The following MAST1 variants were observed in gnomAD, a reference collection of about 807,000 sequenced individuals.
MAST1 encodes microtubule-associated serine/threonine-protein kinase 1.
In MAST1, 40 loss-of-function variants were observed where a neutral mutation model predicts 124.6. The observed-to-expected ratio is 0.32, with a 90% CI of 0.25 to 0.42. MAST1 has a LOEUF of 0.42. Among genes scored for constraint, MAST1 ranks in the 10% least tolerant of loss-of-function variants. MAST1 has a pLI of 1.00. For missense variants in MAST1, 1,558 were observed against 2,181.9 expected, an observed-to-expected ratio of 0.71 and a Z score of 5.70; for synonymous variants, 938 against 939.4, an observed-to-expected ratio of 1.00 and a Z score of 0.03.
intron 10 of MAST1, among the ~76,000 whole-genome samples, chr19:12,854,923 A>T (rs2145898068): frequency 6.6e-6 from 1 of 152,186 alleles, no homozygotes; most frequent in East Asian, 1.9e-4. Flanking sequence ...TTTTCTCTGA[A>T]CTGCCTAGTA....
Position 12,867,773 on chromosome 19 carries a change from G to C in MAST1, c.2362G>C (p.Ala788Pro). ...CGAGGCCAGTTTCCTGGAGGGAGAGGCCAGTCCCCCTTTGGGCGCCCGCCG... is the reference window on the plus strand; with the variant it reads ...CGAGGCCAGTTTCCTGGAGGGAGAGCCCAGTCCCCCTTTGGGCGCCCGCCG... ...ASEASFLEGE[A>P]SPPLGARRRF... Residue 788 changes from alanine to proline, a missense_variant, in exon 20 of 26, where the codon GCC becomes CCC. Ala to Pro is a conservative substitution (Grantham distance 27). Transcript: ENST00000251472. 6.4e-7 allele frequency: 1 copy of C among 1,556,442 alleles called. No individual in the cohort carries two copies. Among genetic ancestry groups the C allele is most frequent in the South Asian group, 1.2e-5 (1 of 86,014 alleles).
At chr19:12,859,765 G>A (rs900610674) in intron 12 of MAST1, among the ~76,000 whole-genome samples, 4 of 150,910 alleles carry the variant, frequency 2.7e-5, no homozygotes, top group African/African-American at 9.8e-5. Context: ...CTGCACTCCA[G>A]GCTAGGCTGA....
chr19:12,873,683 C>A lies in MAST1; in HGVS notation c.3526C>A (p.Arg1176=), dbSNP rs1341238766. ...TGCGTCGTCGGCGTCGCACCACATT[C>A]GGCCCAGCACGCTGCACGGACTGTC... The part of the protein sequence containing the change: ...SPASSASHHI[R]PSTLHGLSPK... Residue 1176 remains arginine, a synonymous_variant, in exon 26 of 26, where the codon CGG becomes AGG. Transcript: ENST00000251472. 1.3e-6 allele frequency: 2 copies of A among 1,599,636 alleles called. No individual in the cohort carries two copies. The highest frequency in any genetic ancestry group is 1.3e-5 in the African/African-American group (1 of 74,858).
intron 4 of MAST1, among the ~76,000 whole-genome samples, chr19:12,844,334 A>T (rs966310768): frequency 6.6e-6 from 1 of 152,148 alleles, no homozygotes; most frequent in Non-Finnish European, 1.5e-5. Flanking sequence ...TCCCTTATCC[A>T]GCCATTGGCA....
In MAST1 at chr19:12,874,166, C is replaced by A; in HGVS notation, c.4009C>A (p.Pro1337Thr). ...CCGCCGCCTGGGCCGACAGGAGTCA[C>A]CTTTGAGCCTGGGCGCGGACCCGTT... ...AVRRLGRQES[P>T]LSLGADPLLP... Residue 1337 changes from proline to threonine, a missense_variant, in exon 26 of 26, where the codon CCT becomes ACT. Physicochemically the swap from Pro to Thr is conservative, Grantham distance 38 (BLOSUM62 -1). This residue lies in a region of MAST1 where 263 missense variants were observed against 310.9 expected (regional missense o/e 0.85). Transcript: ENST00000251472. This position sits in a 1 kb window ranked among gnomAD's most constrained non-coding sequence, Gnocchi z 6.6. 1 of 1,541,962 alleles carries A rather than the reference C, an allele frequency of 6.5e-7. No homozygotes were observed. The highest frequency in any genetic ancestry group is 8.7e-7 in the Non-Finnish European group (1 of 1,146,672).
intron 21 of MAST1, 24 bp from the exon 22 acceptor site, chr19:12,869,042 C>T: frequency 1.2e-6 from 2 of 1,609,044 alleles, no homozygotes; most frequent in Middle Eastern, 1.7e-4. Flanking sequence ...GTTCTGATTT[C>T]TGACCATGGT....
chr19:12,865,917 TG>T lies in MAST1; in HGVS notation c.1907-57del. 1.9e-6 allele frequency: 3 copies of T among 1,609,870 alleles called. No homozygotes were observed. Among genetic ancestry groups the T allele is most frequent in the East Asian group, 2.2e-5 (1 of 44,838 alleles). ...TGCTGTGGCCCCGGGGCGGAAGACA[TG>T]GGGGGCGGGGCTGGGCTGCTGGGTT... is the stretch of plus-strand genomic sequence containing the variant. On this transcript the variant is annotated intron_variant, in intron 16 of 25. Coordinates refer to ENST00000251472, the MANE Select transcript of MAST1 (RefSeq NM_014975.3). The surrounding 1 kb of genome is among the most constrained non-coding windows in gnomAD (Gnocchi z 7.1).
rs577971612 is a variant in MAST1, at chr19:12,868,721, T to G, written c.2645T>G (p.Leu882Trp). The change falls in exon 21 of 26, where the codon TTG becomes TGG. Residue 882 changes from leucine to tryptophan, a missense_variant. Coordinates refer to ENST00000251472, the MANE Select transcript of MAST1 (RefSeq NM_014975.3). ...TCAGGCCCAAGGGCTACCAATGACT[T>G]GGTTCTGCGCCGGGCGCGGCACCAG... ...DASGPRATND[L>W]VLRRARHQQM... The G allele has an allele frequency of 4.3e-6, 7 of 1,613,234 alleles. 1 individual carries two copies. The Admixed American group carries it at 1.2e-4, about 27-fold the overall frequency.
chr19:12,859,449 C>A (rs555588161), intron 12 of MAST1, among the ~76,000 whole-genome samples: 4 of 152,014 alleles, frequency 2.6e-5, no homozygotes, highest in African/African-American at 9.7e-5. Flanking sequence ...TGTAGTGGTG[C>A]GATCACAGCT....
At position 12,873,994 on chromosome 19, in the gene MAST1, G is replaced by A. The variant is rs372689579; in HGVS notation, c.3837G>A (p.Lys1279=). 10 of 1,603,994 alleles carry A rather than the reference G, an allele frequency of 6.2e-6. No individual in the cohort carries two copies. The African/African-American group carries it at 1.2e-4, about 19-fold the overall frequency. The part of the protein sequence containing the change: ...KLGASLSADK[K]GALRKHSLEV... Reference sequence around the variant, plus strand: ...GAGCCTCTTTGAGTGCGGACAAGAAGGGCGCGCTGCGCAAACACAGCCTCG... The same window carrying A: ...GAGCCTCTTTGAGTGCGGACAAGAAAGGCGCGCTGCGCAAACACAGCCTCG... Residue 1279 remains lysine (K), a synonymous_variant, in exon 26 of 26, where the codon AAG becomes AAA. Transcript: ENST00000251472.
In MAST1 at chr19:12,847,870, A is replaced by G; in HGVS notation, c.587A>G (p.Lys196Arg). The G allele has an allele frequency of 6.2e-7, 1 of 1,611,972 alleles. No individual in the cohort carries two copies. Among genetic ancestry groups the G allele is most frequent in the Non-Finnish European group, 8.5e-7 (1 of 1,179,208 alleles). ...FPKATAQMEEKLRDFTRAYEP... is the reference protein window; with the variant it reads ...FPKATAQMEERLRDFTRAYEP... Reference sequence around the variant, plus strand: ...CAGGCCACTGCGCAGATGGAGGAGAAGCTGCGCGACTTTACCCGCGCCTAC... The same window carrying G: ...CAGGCCACTGCGCAGATGGAGGAGAGGCTGCGCGACTTTACCCGCGCCTAC... The change falls in exon 7 of 26, where the codon AAG (lysine) becomes AGG (arginine). Residue 196 changes from lysine to arginine, a missense_variant. Lys to Arg is a conservative substitution (Grantham distance 26). This residue lies in a region of MAST1 where 165 missense variants were observed against 315.3 expected (regional missense o/e 0.52). Transcript: ENST00000251472. This position sits in a 1 kb window ranked among gnomAD's most constrained non-coding sequence, Gnocchi z 5.5.
chr19:12,841,070 A>G lies in MAST1; in HGVS notation c.248+4A>G. On this transcript the variant is annotated splice_donor_region_variant and intron_variant, in intron 3 of 25. Coordinates refer to ENST00000251472, the MANE Select transcript of MAST1 (RefSeq NM_014975.3). This position sits in a 1 kb window ranked among gnomAD's most constrained non-coding sequence, Gnocchi z 4.3. ...TCTCGTTTGCCTCCTCCCGAAGGTGAGTCCCTCCCCTCCAGGGCCCCAGAA... is the reference window on the plus strand; with the variant it reads ...TCTCGTTTGCCTCCTCCCGAAGGTGGGTCCCTCCCCTCCAGGGCCCCAGAA... 6.7e-7 allele frequency: 1 copy of G among 1,484,948 alleles called. No individual in the cohort carries two copies. Among genetic ancestry groups the G allele is most frequent in the Non-Finnish European group, 9.4e-7 (1 of 1,062,034 alleles). The allele number at this position is 1,484,948 out of a possible 1,614,324, so 92.0% of individuals were successfully genotyped here. A position where few individuals can be genotyped will look rare whatever the true frequency, so the allele number is the denominator to read the frequency against.
chr19:12,869,448 T>C (rs966157708), intron 22 of MAST1, among the ~76,000 whole-genome samples, 153 bp downstream of exon 22: 2 of 152,090 alleles, frequency 1.3e-5, no homozygotes, highest in African/African-American at 4.8e-5. Context: ...TTTACTTTTT[T>C]ATTTTAGGCG....
rs759443859 is a variant in MAST1, at chr19:12,866,728, G to C, written c.2105G>C (p.Arg702Pro). Residue 702 changes from arginine (R) to proline (P), a missense_variant, in exon 18 of 26, where the codon CGC (arginine) becomes CCC (proline). Physicochemically the swap from Arg to Pro is moderately radical, Grantham distance 103. Around this residue, in one of 10 missense-constraint regions of MAST1, gnomAD observed 287 missense variants for 308.0 expected, o/e 0.93. Transcript: ENST00000251472. The surrounding 1 kb of genome is among the most constrained non-coding windows in gnomAD (Gnocchi z 5.2). Reference sequence around the variant, plus strand: ...ACGGAGGAGGAGCCCGTGGAAATCCGCCAGTTCTCTTCCTGCTCTCCGCGC... The same window carrying C: ...ACGGAGGAGGAGCCCGTGGAAATCCCCCAGTTCTCTTCCTGCTCTCCGCGC... Reference protein sequence around the residue: ...DTTEEEPVEIRQFSSCSPRFS... With the variant: ...DTTEEEPVEIPQFSSCSPRFS... 5.0e-6 allele frequency: 8 copies of C among 1,613,818 alleles called. No homozygotes were observed. In the South Asian group the frequency reaches 8.8e-5, roughly 18 times the overall value.
intron 24 of MAST1, among the ~76,000 whole-genome samples, chr19:12,872,989 G>GCTT (rs1970256621): frequency 6.6e-6 from 1 of 152,080 alleles, no homozygotes; most frequent in Non-Finnish European, 1.5e-5. Context: ...GGGGCCTGAA[G>GCTT]TAGGAGGAGC....
Position 12,865,568 on chromosome 19 carries a change from C to T in MAST1, c.1804+87C>T. ...AGGGTTCCAGGGATTTCAAAAGCGACCCCCCAGAGGATCGCTTGCACTCAG... is the reference window on the plus strand; with the variant it reads ...AGGGTTCCAGGGATTTCAAAAGCGATCCCCCAGAGGATCGCTTGCACTCAG... On this transcript the variant is annotated intron_variant, in intron 15 of 25. Coordinates refer to ENST00000251472, the MANE Select transcript of MAST1 (RefSeq NM_014975.3). The surrounding 1 kb of genome is among the most constrained non-coding windows in gnomAD (Gnocchi z 7.1). 4 of 1,499,508 alleles carry T rather than the reference C, an allele frequency of 2.7e-6. No homozygotes were observed. In the South Asian group the frequency reaches 3.9e-5, roughly 15 times the overall value. 92.9% of individuals were successfully genotyped at this position (1,499,508 alleles called of 1,614,324 possible).
chr19:12,874,525 C>T lies in MAST1; in HGVS notation c.4368C>T (p.Asp1456=). The T allele has an allele frequency of 6.5e-7, 1 of 1,528,636 alleles. No individual in the cohort carries two copies. The highest frequency in any genetic ancestry group is 1.4e-5 in the African/African-American group (1 of 72,888). The allele number at this position is 1,528,636 out of a possible 1,614,324, so 94.7% of individuals were successfully genotyped here. A position where few individuals can be genotyped will look rare whatever the true frequency, so the allele number is the denominator to read the frequency against. The change falls in exon 26 of 26, where the codon GAC becomes GAT. Residue 1456 remains aspartate (D), a synonymous_variant. Coordinates refer to ENST00000251472, the MANE Select transcript of MAST1 (RefSeq NM_014975.3). The surrounding 1 kb of genome is among the most constrained non-coding windows in gnomAD (Gnocchi z 6.6). ...KAVVPQPLGA[D]SKGLQEPAPL... The stretch of plus-strand genomic sequence containing the variant: ...TGGTGCCTCAGCCTCTGGGCGCGGA[C>T]TCCAAGGGGTTGCAGGAACCCGCAC...
In MAST1 at chr19:12,843,559, G is replaced by A. The variant is rs62108431; in HGVS notation, c.279G>A (p.Ser93=). The A allele has an allele frequency of 2.8e-3, 4,501 of 1,613,322 alleles. 11 individuals carry two copies. The highest frequency in any genetic ancestry group is 3.3e-3 in the Non-Finnish European group (3,937 of 1,179,774). Residue 93 remains serine, a synonymous_variant, in exon 4 of 26, where the codon TCG becomes TCA. Coordinates refer to ENST00000251472, the MANE Select transcript of MAST1 (RefSeq NM_014975.3). The surrounding 1 kb of genome is among the most constrained non-coding windows in gnomAD (Gnocchi z 4.9). The part of the protein sequence containing the change: ...RADGRRWSLA[S]LPSSGYGTNT... ...ACGGACGCCGGTGGTCTCTGGCCTC[G>A]CTCCCTTCATCTGGCTATGGCACCA...
At position 12,865,971 on chromosome 19, in the gene MAST1, C is replaced by G. The variant is rs1444442839; in HGVS notation, c.1907-9C>G. 1 of 1,613,754 alleles carries G rather than the reference C, an allele frequency of 6.2e-7. No individual in the cohort carries two copies. The highest frequency in any genetic ancestry group is 8.5e-7 in the Non-Finnish European group (1 of 1,179,990). ...CCATCAGCTGTGGCTGGAATCCCTT[C>G]CGTCCCAGGCGGCGCTTTTGAGGTG... On this transcript the variant is annotated splice_polypyrimidine_tract_variant and intron_variant, in intron 16 of 25. Transcript: ENST00000251472. The surrounding 1 kb of genome is among the most constrained non-coding windows in gnomAD (Gnocchi z 7.1).
Sources: allele counts gnomAD v4.1 joint callset (sites outside exome capture counted in the v4.1 genomes callset), GRCh38; gene constraint gnomAD v4.1.1; regional missense constraint gnomAD v4.1.1; non-coding constraint Gnocchi (gnomAD v3.1); transcripts MANE v1.5; gene names NCBI Gene and HGNC (gene_info 2026-07-23, HGNC 2026-07-21).